The following TP73 variants were observed in gnomAD, a reference collection of about 807,000 sequenced individuals.
TP73 encodes p53-like transcription factor.
Under a neutral mutation model 62.5 loss-of-function variants are expected in TP73, and 25 were observed. The ratio of observed to expected loss-of-function variants is 0.40; its 90% CI spans 0.29 to 0.56. The LOEUF (loss-of-function observed/expected upper bound fraction) is 0.56, where lower values mean the gene tolerates loss of function less well. Among genes scored for constraint, TP73 ranks in the 20% least tolerant of loss-of-function variants. TP73 has a pLI of 0.46. For synonymous variants in TP73, 423 were observed against 377.5 expected (o/e 1.12, Z -1.40); for missense variants, 754 against 913.3 (o/e 0.83, Z 2.25).
chr1:3,659,184 A>C (rs907324553), intron 1 of TP73: 2 of 151,948 alleles, frequency 1.3e-5, no homozygotes, highest in South Asian at 4.1e-4. Context: ...AAAGAAAAAA[A>C]AAAAAAGCTA....
intron 3 of TP73, chr1:3,690,934 A>T (rs1167660067): frequency 6.3e-7 from 1 of 1,579,558 alleles, no homozygotes; most frequent in African/African-American, 1.3e-5. Flanking sequence ...CCCGCACGGC[A>T]CCTCGCCACG....
rs1043471354 is a variant in TP73, at chr1:3,718,570, TGCAGGGGCCAG to T, written c.430-3445_430-3435del. The stretch of plus-strand genomic sequence containing the variant: ...TGGGGCAGGGGCCTAGGGGAGGGGC[TGCAGGGGCCAG>T]GCAGGAGCTGTGAAACCCCTCACGC... On this transcript the variant is annotated intron_variant, in intron 4 of 13. Coordinates refer to ENST00000378295, the MANE Select transcript of TP73 (RefSeq NM_005427.4). 1.1e-4 allele frequency among the ~76,000 whole-genome samples: 15 copies of T among 136,632 alleles called. 1 individual carries two copies. In the East Asian group the frequency reaches 1.4e-3, roughly 13 times the overall value. The allele number at this position is 136,632 out of a possible 152,430, so 89.6% of individuals were successfully genotyped here.
chr1:3,677,852 C>T (rs990004708), intron 1 of TP73, among the ~76,000 whole-genome samples: 10 of 152,106 alleles, frequency 6.6e-5, no homozygotes, highest in African/African-American at 2.2e-4. Context: ...TGCCATCACG[C>T]CCTCATGCCC....
At chr1:3,729,767 C>A in intron 10 of TP73, 1 of 750,426 alleles carries the variant, frequency 1.3e-6, no homozygotes. Flanking sequence ...ATTCCAGTGG[C>A]ACAGGTCATC....
rs3765700 is a variant in TP73 at position 3,672,337 on chromosome 1, G to C, written c.-33-9996G>C. 0.34 allele frequency among the ~76,000 whole-genome samples: 52,253 copies of C among 152,016 alleles called. 10,975 individuals carry two copies. Among genetic ancestry groups the C allele is most frequent in the Non-Finnish European group, 0.48 (32,339 of 67,928 alleles). ...CAGCACAGGCACTTCCAACATGGGC[G>C]CTGGCCGCACAAAGGCTAGTGACAC... On this transcript the variant is annotated intron_variant, in intron 1 of 13. Transcript: ENST00000378295. This position sits in a 1 kb window ranked among gnomAD's most constrained non-coding sequence, Gnocchi z 5.3.
At chr1:3,724,614 A>C (rs907563669) in intron 6 of TP73, among the ~76,000 whole-genome samples, 6 of 152,234 alleles carry the variant, frequency 3.9e-5, no homozygotes, top group South Asian at 2.1e-4. Context: ...GTGTGACAGC[A>C]GTTCTGAGAA....
chr1:3,679,941 TTCTG>T (rs1486452816), intron 1 of TP73, among the ~76,000 whole-genome samples: 3 of 146,476 alleles, frequency 2.0e-5, no homozygotes, highest in African/African-American at 7.7e-5. Flanking sequence ...CCCTGTCTCT[TTCTG>T]TCTCTCTTTG....
intron 3 of TP73, among the ~76,000 whole-genome samples, chr1:3,683,594 T>G (rs762349742): frequency 1.3e-5 from 2 of 152,202 alleles, no homozygotes; most frequent in Non-Finnish European, 2.9e-5. Flanking sequence ...TCGCTCAGTC[T>G]CTTGGTCTGC....
intron 1 of TP73, among the ~76,000 whole-genome samples, chr1:3,679,637 T>C (rs925471676): frequency 3.3e-5 from 5 of 151,822 alleles, no homozygotes; most frequent in African/African-American, 1.2e-4. Flanking sequence ...CCTGTCTCTC[T>C]GTCTCTGTCT....
chr1:3,728,988 A>AAGAAAG (rs1553147315), intron 9 of TP73, among the ~76,000 whole-genome samples: 1 of 86,904 alleles, frequency 1.2e-5, no homozygotes, highest in African/African-American at 3.0e-5. Flanking sequence ...ACGCTGTCGA[A>AAGAAAG]AGAAAGAGAG....
intron 5 of TP73, 109 bp downstream of exon 5, chr1:3,722,316 A>C: frequency 7.3e-7 from 1 of 1,363,974 alleles, no homozygotes; most frequent in Non-Finnish European, 1.0e-6. Context: ...GCATGGGCTT[A>C]GCCATTCCCC....
intron 8 of TP73, 26 bp from the exon 9 acceptor site, chr1:3,728,103 C>G: frequency 6.3e-7 from 1 of 1,596,560 alleles, no homozygotes; most frequent in South Asian, 1.1e-5. Context: ...GCCTGCTCAC[C>G]CCGCCTGCCC....
chr1:3,681,172 G>A (rs945325717), intron 1 of TP73, among the ~76,000 whole-genome samples: 6 of 152,216 alleles, frequency 3.9e-5, no homozygotes, highest in African/African-American at 7.2e-5. Flanking sequence ...GCCTGCCTGG[G>A]GAAGGACAAA....
Position 3,670,002 on chromosome 1 carries a change from T to C in TP73, c.-33-12331T>C, listed in dbSNP as rs1645204488. Reference sequence around the variant, plus strand: ...GAGTGACCAGCTCCTCCCTGAAGCCTTGGGGGAATGTCCGAGGGGCCAGGG... The same window carrying C: ...GAGTGACCAGCTCCTCCCTGAAGCCCTGGGGGAATGTCCGAGGGGCCAGGG... On this transcript the variant is annotated intron_variant, in intron 1 of 13. Coordinates refer to ENST00000378295, the MANE Select transcript of TP73 (RefSeq NM_005427.4). The surrounding 1 kb of genome is among the most constrained non-coding windows in gnomAD (Gnocchi z 5.9). 6.6e-6 allele frequency among the ~76,000 whole-genome samples: 1 copy of C among 152,076 alleles called. No individual in the cohort carries two copies. Among genetic ancestry groups the C allele is most frequent in the Non-Finnish European group, 1.5e-5 (1 of 67,998 alleles).
intron 4 of TP73, among the ~76,000 whole-genome samples, chr1:3,716,665 C>T (rs1007765781): frequency 5.3e-5 from 8 of 152,212 alleles, no homozygotes; most frequent in East Asian, 1.9e-4. Context: ...CAGCCTCCCA[C>T]GAAGGGGGCT....
rs747451903 is a variant in TP73, at chr1:3,701,661, C to A, written c.187-5888C>A. ...CTGGGATTACAGGTGCCCACCACCA[C>A]GCCCAGCTAATTTTTTTTTGTAGTT... On this transcript the variant is annotated intron_variant, in intron 3 of 13. Coordinates refer to ENST00000378295, the MANE Select transcript of TP73 (RefSeq NM_005427.4). The surrounding 1 kb of genome is among the most constrained non-coding windows in gnomAD (Gnocchi z 4.7). Among the ~76,000 whole-genome samples, 1 of 150,446 alleles carries A rather than the reference C, an allele frequency of 6.6e-6. No homozygotes were observed. Among genetic ancestry groups the A allele is most frequent in the Non-Finnish European group, 1.5e-5 (1 of 67,698 alleles).
chr1:3,659,807 G>A (rs1280390701), intron 1 of TP73, among the ~76,000 whole-genome samples: 1 of 151,276 alleles, frequency 6.6e-6, no homozygotes, highest in Non-Finnish European at 1.5e-5. Flanking sequence ...TCAGCCTCCT[G>A]GAGTTACAGG....
At chr1:3,655,018 G>T (rs1444760323) in intron 1 of TP73, among the ~76,000 whole-genome samples, 1 of 152,252 alleles carries the variant, frequency 6.6e-6, no homozygotes, top group African/African-American at 2.4e-5. Context: ...TTAACCCTGA[G>T]ATTCCGAGCA....
At position 3,694,285 on chromosome 1, in the gene TP73, C is replaced by T. The variant is rs78670682; in HGVS notation, c.186+11105C>T. Among the ~76,000 whole-genome samples, 57 of 6,702 alleles carry T rather than the reference C, an allele frequency of 8.5e-3. 7 individuals carry two copies. The highest frequency in any genetic ancestry group is 0.031 in the Non-Finnish European group (31 of 994). 4.4% of individuals were successfully genotyped at this position (6,702 alleles called of 152,430 possible). Reference sequence around the variant, plus strand: ...CCCATGCAGCCTCAGCCCCTCCTCCCGCAATCCCAGCCATGCAGCCTCAGC... The same window carrying T: ...CCCATGCAGCCTCAGCCCCTCCTCCTGCAATCCCAGCCATGCAGCCTCAGC... On this transcript the variant is annotated intron_variant, in intron 3 of 13. Coordinates refer to ENST00000378295, the MANE Select transcript of TP73 (RefSeq NM_005427.4).
Sources: gnomAD v4.1 joint callset for allele counts (sites outside exome capture counted in the v4.1 genomes callset) on GRCh38, gnomAD v4.1.1 for gene constraint, Gnocchi (gnomAD v3.1) non-coding constraint, MANE v1.5 for transcripts, NCBI Gene and HGNC (gene_info 2026-07-23, HGNC 2026-07-21) for gene names.